The following RSU1 variants were observed in gnomAD, a reference collection of about 807,000 sequenced individuals.
The protein encoded by RSU1 is rsu-1.
In RSU1, 26 loss-of-function variants were observed where a neutral mutation model predicts 31.1. That is an observed-to-expected ratio of 0.84 (90% CI 0.61 to 1.16). The LOEUF is 1.16. RSU1 is among the 50% of genes most tolerant of loss of function. The probability of loss-of-function intolerance (pLI) is 0.00; values close to 1 mark genes in which losing one functional copy is unlikely to be tolerated. For missense variants in RSU1, 320 were observed against 339.1 expected, an observed-to-expected ratio of 0.94 and a Z score of 0.44; for synonymous variants, 164 against 136.3, an observed-to-expected ratio of 1.20 and a Z score of -1.41.
At chr10:16,721,986 C>T (rs1367219323) in intron 7 of RSU1, among the ~76,000 whole-genome samples, 1 of 152,186 alleles carries the variant, frequency 6.6e-6, no homozygotes, top group Non-Finnish European at 1.5e-5. Flanking sequence ...ATTGCTACTG[C>T]CACTGTACTA....
chr10:16,612,556 C>T (rs944154430), intron 8 of RSU1, among the ~76,000 whole-genome samples: 53 of 152,322 alleles, frequency 3.5e-4, no homozygotes, highest in African/African-American at 1.1e-3. Context: ...AAGCTGTTCT[C>T]GAATCTGTTC....
At chr10:16,771,546 AAAG>A (rs1837424463) in intron 3 of RSU1, among the ~76,000 whole-genome samples, 1 of 152,214 alleles carries the variant, frequency 6.6e-6, no homozygotes, top group African/African-American at 2.4e-5. Flanking sequence ...GATTATACAT[AAAG>A]AAGAATCTTC....
chr10:16,757,013 G>GGT, intron 4 of RSU1, among the ~76,000 whole-genome samples: 1 of 149,642 alleles, frequency 6.7e-6, no homozygotes, highest in South Asian at 2.1e-4. Context: ...GGGGTGTGGT[G>GGT]GTGTGTGTGT....
intron 7 of RSU1, among the ~76,000 whole-genome samples, chr10:16,746,768 T>C (rs958361712): frequency 6.6e-6 from 1 of 151,578 alleles, no homozygotes; most frequent in Non-Finnish European, 1.5e-5. Flanking sequence ...GCAGGATTTT[T>C]ATCCTCTCTA....
intron 8 of RSU1, among the ~76,000 whole-genome samples, chr10:16,623,022 C>G (rs1171215957): frequency 6.6e-6 from 1 of 152,112 alleles, no homozygotes; most frequent in Non-Finnish European, 1.5e-5. Flanking sequence ...AAAGTACATT[C>G]TAATCTTTTT....
chr10:16,622,637 C>T (rs543611959), intron 8 of RSU1, among the ~76,000 whole-genome samples: 5 of 152,194 alleles, frequency 3.3e-5, no homozygotes, highest in South Asian at 4.1e-4. Context: ...TGGCAGAGTT[C>T]GAGGAGAGAA....
At chr10:16,658,758 C>T (rs1268462902) in intron 8 of RSU1, among the ~76,000 whole-genome samples, 3 of 151,966 alleles carry the variant, frequency 2.0e-5, no homozygotes, top group Admixed American at 6.6e-5. Context: ...TTTTGGTGCT[C>T]GTTAAGAAGA....
chr10:16,723,832 G>A (rs745363267), intron 7 of RSU1, among the ~76,000 whole-genome samples: 3 of 152,106 alleles, frequency 2.0e-5, no homozygotes, highest in East Asian at 1.9e-4. Context: ...CAGTCCACCC[G>A]TGCAGAGATA....
At chr10:16,783,316 G>A (rs566984009) in intron 2 of RSU1, among the ~76,000 whole-genome samples, 1 of 150,858 alleles carries the variant, frequency 6.6e-6, no homozygotes. Flanking sequence ...TTGGGGCTCA[G>A]CACGCTTTGA....
At chr10:16,783,766 A>G (rs569286007) in intron 2 of RSU1, among the ~76,000 whole-genome samples, 1 of 152,206 alleles carries the variant, frequency 6.6e-6, no homozygotes, top group African/African-American at 2.4e-5. Flanking sequence ...ACTGAGATTA[A>G]GCTGCTGGCC....
Position 16,592,982 on chromosome 10 carries a change from T to TATCA in RSU1, c.*411_*412insTGAT. 5 of 155,628 alleles carry TATCA rather than the reference T, an allele frequency of 3.2e-5. No homozygotes were observed. Among genetic ancestry groups the TATCA allele is most frequent in the South Asian group, 2.0e-4 (1 of 4,992 alleles). The allele number at this position is 155,628 out of a possible 1,614,324, so 9.6% of individuals were successfully genotyped here. A position where few individuals can be genotyped will look rare whatever the true frequency, so the allele number is the denominator to read the frequency against. On this transcript the variant is annotated 3_prime_UTR_variant, in exon 9 of 9. Transcript: ENST00000345264. ...CATATCTCGGTGGTGAAGGAAGACT[T>TATCA]TTAATAAAGCAAAATAATGAGTTAG... is the stretch of plus-strand genomic sequence containing the variant.
At chr10:16,649,356 A>G (rs868338894) in intron 8 of RSU1, among the ~76,000 whole-genome samples, 3 of 152,208 alleles carry the variant, frequency 2.0e-5, no homozygotes, top group Admixed American at 6.5e-5. Flanking sequence ...AAATCAAGTA[A>G]CACAATTAAA....
At chr10:16,777,679 C>CA (rs962099189) in intron 3 of RSU1, among the ~76,000 whole-genome samples, 1 of 152,012 alleles carries the variant, frequency 6.6e-6, no homozygotes, top group Non-Finnish European at 1.5e-5. Flanking sequence ...TTTTTAAAAA[C>CA]AAAAAACAAG....
intron 7 of RSU1, among the ~76,000 whole-genome samples, chr10:16,710,666 A>G (rs1002141792): frequency 6.6e-6 from 1 of 151,516 alleles, no homozygotes; most frequent in African/African-American, 2.4e-5. Context: ...TTTTTTTTAA[A>G]TTTTTTTATT....
intron 8 of RSU1, among the ~76,000 whole-genome samples, chr10:16,690,006 G>C (rs1365638199): frequency 6.6e-6 from 1 of 152,182 alleles, no homozygotes; most frequent in Non-Finnish European, 1.5e-5. Context: ...TTGTTGACAA[G>C]AGTTAACTTG....
At chr10:16,722,868 GTATATATACACACATATACATATA>G (rs1836299297) in intron 7 of RSU1, among the ~76,000 whole-genome samples, 1 of 130,900 alleles carries the variant, frequency 7.6e-6, no homozygotes, top group Non-Finnish European at 1.7e-5. Context: ...ATACATATAT[GTATATATACACACATATACATATA>G]TGTATATATA....
chr10:16,653,534 G>A (rs888652715), intron 8 of RSU1, among the ~76,000 whole-genome samples: 6 of 152,040 alleles, frequency 3.9e-5, no homozygotes, highest in African/African-American at 1.4e-4. Context: ...TGAAACAATC[G>A]AGATTTTTTT....
At chr10:16,677,877 C>T (rs1028436249) in intron 8 of RSU1, among the ~76,000 whole-genome samples, 3 of 152,136 alleles carry the variant, frequency 2.0e-5, no homozygotes, top group Non-Finnish European at 2.9e-5. Context: ...ACACCACTCA[C>T]GCAGTTTCTA....
intron 8 of RSU1, among the ~76,000 whole-genome samples, chr10:16,635,097 A>T (rs1353458201): frequency 1.3e-5 from 2 of 152,232 alleles, no homozygotes; most frequent in Non-Finnish European, 2.9e-5. Context: ...CTGTATTCGT[A>T]ACAGCCTCCT....
Sources: gnomAD v4.1 joint callset for allele counts (sites outside exome capture counted in the v4.1 genomes callset) on GRCh38, gnomAD v4.1.1 for gene constraint, MANE v1.5 for transcripts, NCBI Gene and HGNC (gene_info 2026-07-23, HGNC 2026-07-21) for gene names.